Variants in ZNF154 observed in about 807,000 individuals in gnomAD.
ZNF154 encodes the protein zinc finger protein 154, also known as zinc finger protein 154 (pHZ-92).
In ZNF154, 6 loss-of-function variants were observed where a neutral mutation model predicts 7.5. The ratio of observed to expected loss-of-function variants is 0.80; its 90% CI spans 0.44 to 1.57. The LOEUF is 1.57. Ranked by LOEUF, ZNF154 falls within the 40% of genes most tolerant of loss-of-function variation. The pLI is 0.01. For synonymous variants in ZNF154, 187 were observed against 185.9 expected (o/e 1.01, Z -0.05); for missense variants, 485 against 531.4 (o/e 0.91, Z 0.86).
In ZNF154 at chr19:57,700,926, T is replaced by C. The variant is rs117192923; in HGVS notation, c.*709A>G. ...TTCATGTTAGCAGAACCCAACTGTT[T>C]TCAAACCAACCCATACATATAGAAC... On this transcript the variant is annotated 3_prime_UTR_variant, in exon 3 of 3. Transcript: ENST00000684351. 2,255 of 152,374 alleles carry C rather than the reference T, an allele frequency of 0.015. 31 individuals are homozygous for C. Among genetic ancestry groups the C allele is most frequent in the Middle Eastern group, 0.037 (11 of 294 alleles). The allele number at this position is 152,374 out of a possible 1,614,324, so 9.4% of individuals were successfully genotyped here.
chr19:57,703,484 C>CAAAAAA (rs3062223), intron 2 of ZNF154, among the ~76,000 whole-genome samples: 3 of 75,132 alleles, frequency 4.0e-5, no homozygotes, highest in East Asian at 4.0e-4. Flanking sequence ...GACTCCGTCT[C>CAAAAAA]AAAAAAAAAA....
At chr19:57,707,982 C>A (rs184932418) in intron 1 of ZNF154, among the ~76,000 whole-genome samples, 5 of 152,252 alleles carry the variant, frequency 3.3e-5, no homozygotes, top group African/African-American at 1.2e-4. Context: ...GGGGTAGAGG[C>A]TACTGAGGGA....
Position 57,704,872 on chromosome 19 carries a change from C to T in ZNF154, c.141G>A (p.Leu47=). The T allele has an allele frequency of 6.2e-7, 1 of 1,612,852 alleles. No homozygotes were observed. Among genetic ancestry groups the T allele is most frequent in the Non-Finnish European group, 8.5e-7 (1 of 1,179,628 alleles). ...CCTTACCTAGAGAGGTTAAAAGAGC[C>T]AAGTTCTCCAGCATCACATCACGGT... ...CLYRDVMLEN[L]ALLTSLDVHH... is the part of the protein sequence containing the mutation. Residue 47 remains leucine, a synonymous_variant, in exon 2 of 3, where the codon TTG becomes TTA. Transcript: ENST00000684351.
chr19:57,699,508 C>A lies in ZNF154; in HGVS notation c.*2127G>T. ...TGCAGTGGTGGTTCAAGAAGTTTTG[C>A]AAAGGAGACAAGAGCCTTGAAGAGA... On this transcript the variant is annotated 3_prime_UTR_variant, in exon 3 of 3. Transcript: ENST00000684351. 5.8e-6 allele frequency: 2 copies of A among 342,046 alleles called. No homozygotes were observed. The allele number at this position is 342,046 out of a possible 1,614,324, so 21.2% of individuals were successfully genotyped here. A position where few individuals can be genotyped will look rare whatever the true frequency, so the allele number is the denominator to read the frequency against.
At chr19:57,707,770 C>T (rs917916569) in intron 1 of ZNF154, among the ~76,000 whole-genome samples, 2 of 152,174 alleles carry the variant, frequency 1.3e-5, no homozygotes, top group African/African-American at 4.8e-5. Context: ...TTACTAAGCA[C>T]TTGCGCCTCC....
At chr19:57,708,504 C>A (rs796857516) in intron 1 of ZNF154, among the ~76,000 whole-genome samples, 4 of 152,128 alleles carry the variant, frequency 2.6e-5, no homozygotes, top group African/African-American at 9.6e-5. Context: ...ACCCGGGAGT[C>A]GGAGGTTGCA....
chr19:57,708,810 G>A, intron 1 of ZNF154, 129 bp downstream of exon 1: 3 of 1,253,568 alleles, frequency 2.4e-6, no homozygotes, highest in Admixed American at 2.5e-5. Flanking sequence ...GTCAAAAAAA[G>A]GGCCCCACCC....
chr19:57,702,373 T>C lies in ZNF154; in HGVS notation c.576A>G (p.Arg192=), dbSNP rs1255280916. 1 of 1,612,662 alleles carries C rather than the reference T, an allele frequency of 6.2e-7. No homozygotes were observed. The highest frequency in any genetic ancestry group is 8.5e-7 in the Non-Finnish European group (1 of 1,178,856). The change falls in exon 3 of 3, where the codon CGA becomes CGG. Residue 192 remains arginine, a synonymous_variant. Transcript: ENST00000684351. ...LHTGEKPYEC[R]ECGKSFRQSS... is the part of the protein sequence containing the mutation. ...TTTGCCTAAAGGACTTCCCACACTC[T>C]CGACATTCATAAGGCTTTTCTCCAG... is the stretch of plus-strand genomic sequence containing the variant.
intron 1 of ZNF154, 42 bp downstream of exon 1, chr19:57,708,893 CGTGG>C (rs1192651717): frequency 6.4e-7 from 1 of 1,551,738 alleles, no homozygotes; most frequent in Non-Finnish European, 8.7e-7. Context: ...GGCTTTAGAA[CGTGG>C]GTGGGGGAAG....
Position 57,701,930 on chromosome 19 carries a change from T to A in ZNF154, c.1019A>T (p.Gln340Leu). The stretch of plus-strand genomic sequence containing the variant: ...CCGATGTTGAAGGAGTGCAGACCTT[T>A]GGCTAAAGGATTTCCCACATTCGCT... ...KCSECGKSFSQRSALLQHRGV... is the reference protein window; with the variant it reads ...KCSECGKSFSLRSALLQHRGV... Residue 340 changes from glutamine (Q) to leucine (L), a missense_variant, in exon 3 of 3, where the codon CAA (glutamine) becomes CTA (leucine). Transcript: ENST00000684351. 3.7e-6 allele frequency: 6 copies of A among 1,613,614 alleles called. No homozygotes were observed. Among genetic ancestry groups the A allele is most frequent in the Non-Finnish European group, 5.1e-6 (6 of 1,179,898 alleles).
At chr19:57,707,838 A>G (rs1037516722) in intron 1 of ZNF154, among the ~76,000 whole-genome samples, 1 of 152,178 alleles carries the variant, frequency 6.6e-6, no homozygotes, top group Non-Finnish European at 1.5e-5. Context: ...AAAAATGGGA[A>G]CACCTCAGTA....
At position 57,696,891 on chromosome 19, in the gene ZNF154, A is replaced by C. The variant is rs754605309; in HGVS notation, c.*4744T>G. Among the ~76,000 whole-genome samples the C allele has an allele frequency of 6.6e-6, 1 of 152,162 alleles. No homozygotes were observed. The highest frequency in any genetic ancestry group is 1.5e-5 in the Non-Finnish European group (1 of 68,022). ...TGGAAGCTCGCACTGTCCTGTCCCG[A>C]TGTATCATCCAGCAGCCCCAAGGCA... On this transcript the variant is annotated 3_prime_UTR_variant, in exon 3 of 3. Coordinates refer to ENST00000684351, the MANE Select transcript of ZNF154 (RefSeq NM_001085384.3).
rs1354575607 is a variant in ZNF154 at position 57,697,163 on chromosome 19, T to G, written c.*4472A>C. On this transcript the variant is annotated 3_prime_UTR_variant, in exon 3 of 3. Transcript: ENST00000684351. Reference sequence around the variant, plus strand: ...ATTTCTTAGTGGATTGTCTGTGATGTGCATCACATTCTGGTTTAATGCTTA... The same window carrying G: ...ATTTCTTAGTGGATTGTCTGTGATGGGCATCACATTCTGGTTTAATGCTTA... 6.6e-6 allele frequency among the ~76,000 whole-genome samples: 1 copy of G among 152,240 alleles called. No individual in the cohort carries two copies. The highest frequency in any genetic ancestry group is 1.5e-5 in the Non-Finnish European group (1 of 68,048).
chr19:57,708,501 A>G (rs1985488149), intron 1 of ZNF154, among the ~76,000 whole-genome samples: 1 of 151,856 alleles, frequency 6.6e-6, no homozygotes, highest in Non-Finnish European at 1.5e-5. Context: ...TGAACCCGGG[A>G]GTCGGAGGTT....
At position 57,708,961 on chromosome 19, in the gene ZNF154, G is replaced by A. The variant is rs1985515465; in HGVS notation, c.11C>T (p.Ala4Val). The change falls in exon 1 of 3, where the codon GCC becomes GTC. Residue 4 changes from alanine to valine, a missense_variant. Ala to Val is a moderately conservative substitution (Grantham distance 64). Transcript: ENST00000684351. MAAATLRTPTQGTV... is the reference protein window; with the variant it reads MAAVTLRTPTQGTV... ...CACCTGAGTTGGCGTCCTCAGAGTG[G>A]CCGCTGCCATCAGACTCTGCGGGTA... 7 of 1,560,504 alleles carry A rather than the reference G, an allele frequency of 4.5e-6. No homozygotes were observed. The highest frequency in any genetic ancestry group is 6.1e-6 in the Non-Finnish European group (7 of 1,152,868).
chr19:57,698,077 A>G lies in ZNF154; in HGVS notation c.*3558T>C, dbSNP rs937694324. ...AACAAATGAATGAATGAATAAACGA[A>G]TACTGGTATATCCACAGAACATCAT... On this transcript the variant is annotated 3_prime_UTR_variant, in exon 3 of 3. Coordinates refer to ENST00000684351, the MANE Select transcript of ZNF154 (RefSeq NM_001085384.3). 1 of 152,188 alleles carries G rather than the reference A, an allele frequency of 6.6e-6. No homozygotes were observed. The highest frequency in any genetic ancestry group is 1.5e-5 in the Non-Finnish European group (1 of 68,018). 9.4% of individuals were successfully genotyped at this position (152,188 alleles called of 1,614,324 possible). A position where few individuals can be genotyped will look rare whatever the true frequency, so the allele number is the denominator to read the frequency against.
chr19:57,704,965 A>C lies in ZNF154; in HGVS notation c.48T>G (p.Phe16Leu), dbSNP rs764582643. ...LRTPTQGTVT[F>L]EDVAVHFSWE... is the part of the protein sequence containing the mutation. ...AGGAGAAGTGTACGGCCACATCTTC[A>C]AAGGTCACAGTGCCCTGCCACAATG... Residue 16 changes from phenylalanine (F) to leucine (L), a missense_variant, in exon 2 of 3, where the codon TTT becomes TTG. Coordinates refer to ENST00000684351, the MANE Select transcript of ZNF154 (RefSeq NM_001085384.3). 2 of 1,612,588 alleles carry C rather than the reference A, an allele frequency of 1.2e-6. No homozygotes were observed. Among genetic ancestry groups the C allele is most frequent in the Non-Finnish European group, 1.7e-6 (2 of 1,179,464 alleles).
In ZNF154 at chr19:57,697,855, C is replaced by T. The variant is rs140502513; in HGVS notation, c.*3780G>A. ...AATTGAACACAGCTGTAACAGGAGA[C>T]AAAATATGTCATTGTACCAGTAATT... On this transcript the variant is annotated 3_prime_UTR_variant, in exon 3 of 3. Coordinates refer to ENST00000684351, the MANE Select transcript of ZNF154 (RefSeq NM_001085384.3). The T allele has an allele frequency of 2.0e-5, 3 of 151,978 alleles. No homozygotes were observed. Among genetic ancestry groups the T allele is most frequent in the East Asian group, 3.9e-4 (2 of 5,178 alleles). The allele number at this position is 151,978 out of a possible 1,614,324, so 9.4% of individuals were successfully genotyped here.
At chr19:57,705,591 T>C (rs1375016373) in intron 1 of ZNF154, among the ~76,000 whole-genome samples, 1 of 151,830 alleles carries the variant, frequency 6.6e-6, no homozygotes, top group Non-Finnish European at 1.5e-5. Context: ...CCATCTCTAC[T>C]AAAAATACAA....
Sources: allele counts gnomAD v4.1 joint callset (sites outside exome capture counted in the v4.1 genomes callset), GRCh38; gene constraint gnomAD v4.1.1; transcripts MANE v1.5; gene names NCBI Gene and HGNC (gene_info 2026-07-23, HGNC 2026-07-21).